The following TMX4 variants were observed in gnomAD, a reference collection of about 807,000 sequenced individuals.
The protein encoded by TMX4 is thioredoxin related transmembrane protein 4.
In TMX4, 23 loss-of-function variants were observed where a neutral mutation model predicts 33.3. That is an observed-to-expected ratio of 0.69 (90% CI 0.50 to 0.98). The LOEUF is 0.98. Among genes scored for constraint, TMX4 ranks in the 50% least tolerant of loss-of-function variants. The pLI is 0.00. For missense variants in TMX4, 399 were observed against 448.9 expected (o/e 0.89, Z 1.01); for synonymous variants, 164 against 161.5 (o/e 1.02, Z -0.12).
In TMX4 at chr20:7,999,941, G is replaced by T. The variant is rs141332632; in HGVS notation, c.339-81C>A. 1,897 of 1,450,054 alleles carry T rather than the reference G, an allele frequency of 1.3e-3. 20 individuals are homozygous for T. The African/African-American group carries it at 0.024, about 18-fold the overall frequency. 89.8% of individuals were successfully genotyped at this position (1,450,054 alleles called of 1,614,324 possible). ...ATAATAAAAATTAAAATAGCTACTG[G>T]TGATACATCTGAACGCCATCTGAAC... On this transcript the variant is annotated intron_variant, in intron 3 of 7. Transcript: ENST00000246024.
In TMX4 at chr20:8,019,596, G is replaced by C; in HGVS notation, c.18C>G (p.Cys6Trp). MAGGR[C>W]GPQLTALLAA... Reference sequence around the variant, plus strand: ...CCAGGAGCGCCGTTAGCTGCGGGCCGCAGCGCCCACCCGCCATGTTGGGCG... The same window carrying C: ...CCAGGAGCGCCGTTAGCTGCGGGCCCCAGCGCCCACCCGCCATGTTGGGCG... The change falls in exon 1 of 8, where the codon TGC (cysteine) becomes TGG (tryptophan). Residue 6 changes from cysteine to tryptophan, a missense_variant. Cys to Trp is a radical substitution (Grantham distance 215). Coordinates refer to ENST00000246024, the MANE Select transcript of TMX4 (RefSeq NM_021156.4). The C allele has an allele frequency of 7.4e-7, 1 of 1,354,752 alleles. No homozygotes were observed. The allele number at this position is 1,354,752 out of a possible 1,614,324, so 83.9% of individuals were successfully genotyped here. A position where few individuals can be genotyped will look rare whatever the true frequency, so the allele number is the denominator to read the frequency against.
chr20:7,984,000 T>C, intron 6 of TMX4, 143 bp from the exon 7 acceptor site: 5 of 601,110 alleles, frequency 8.3e-6, no homozygotes, highest in South Asian at 6.5e-5. Context: ...GAGACAAGGA[T>C]ATAATTAAGA....
chr20:8,016,626 C>T (rs1369067745), intron 1 of TMX4, among the ~76,000 whole-genome samples: 1 of 152,118 alleles, frequency 6.6e-6, no homozygotes, highest in East Asian at 1.9e-4. Flanking sequence ...CTGCCAAATA[C>T]TGCTAGATTC....
intron 5 of TMX4, among the ~76,000 whole-genome samples, chr20:7,990,626 T>C (rs1038894804): frequency 1.3e-5 from 2 of 152,124 alleles, no homozygotes; most frequent in African/African-American, 4.8e-5. Context: ...TCACACCCAC[T>C]CATCCAGCCC....
rs1157901995 is a variant in TMX4 at position 7,981,249 on chromosome 20, G to A, written c.*1002C>T. ...AAGGAAAATCAGAAGTGGTTTTTTA[G>A]TTATTATTAAAGTAGTTCAAGACCC... On this transcript the variant is annotated 3_prime_UTR_variant, in exon 8 of 8. Transcript: ENST00000246024. 2 of 152,086 alleles carry A rather than the reference G, an allele frequency of 1.3e-5. No homozygotes were observed. Among genetic ancestry groups the A allele is most frequent in the African/African-American group, 4.8e-5 (2 of 41,422 alleles). The allele number at this position is 152,086 out of a possible 1,614,324, so 9.4% of individuals were successfully genotyped here. A position where few individuals can be genotyped will look rare whatever the true frequency, so the allele number is the denominator to read the frequency against.
chr20:8,012,006 T>C (rs2050755002), intron 1 of TMX4, among the ~76,000 whole-genome samples: 1 of 152,154 alleles, frequency 6.6e-6, no homozygotes, highest in Non-Finnish European at 1.5e-5. Flanking sequence ...TCAACTTTAA[T>C]GAAAATCATA....
chr20:8,001,671 T>G, intron 2 of TMX4, 130 bp from the exon 3 acceptor site: 3 of 888,006 alleles, frequency 3.4e-6, no homozygotes, highest in African/African-American at 3.4e-5. Context: ...TTTTTTTGAC[T>G]TACAGAAATT....
rs147662236 is a variant in TMX4, at chr20:7,996,237, T to C, written c.468-166A>G. Reference sequence around the variant, plus strand: ...AGAGCTTAGATTCAGTGGCTATCATTTGAATCACTCTGCTGTAAATCTATT... The same window carrying C: ...AGAGCTTAGATTCAGTGGCTATCATCTGAATCACTCTGCTGTAAATCTATT... On this transcript the variant is annotated intron_variant, in intron 4 of 7. Transcript: ENST00000246024. 3.9e-3 allele frequency among the ~76,000 whole-genome samples: 592 copies of C among 152,302 alleles called. 4 individuals carry two copies. Among genetic ancestry groups the C allele is most frequent in the African/African-American group, 0.013 (539 of 41,574 alleles).
chr20:7,993,369 A>T (rs2050663081), intron 5 of TMX4, among the ~76,000 whole-genome samples: 1 of 152,218 alleles, frequency 6.6e-6, no homozygotes. Flanking sequence ...TTAAAAAACA[A>T]ATACGTTTGC....
At chr20:8,011,081 T>C (rs1249076518) in intron 1 of TMX4, among the ~76,000 whole-genome samples, 1 of 152,086 alleles carries the variant, frequency 6.6e-6, no homozygotes, top group African/African-American at 2.4e-5. Context: ...TTTGCGTCTG[T>C]TTAAAATTTT....
At chr20:8,005,313 C>T (rs920775509) in intron 2 of TMX4, among the ~76,000 whole-genome samples, 13 of 152,194 alleles carry the variant, frequency 8.5e-5, no homozygotes. Flanking sequence ...GTCAACTCAA[C>T]TGACACATCA....
chr20:8,009,194 T>A (rs776756575), intron 2 of TMX4, among the ~76,000 whole-genome samples: 31 of 152,164 alleles, frequency 2.0e-4, no homozygotes, highest in Non-Finnish European at 4.1e-4. Flanking sequence ...CTTCTCAGTT[T>A]ATATATAATA....
In TMX4 at chr20:8,015,020, T is replaced by C. The variant is rs150299398; in HGVS notation, c.176+4418A>G. 4.0e-3 allele frequency among the ~76,000 whole-genome samples: 607 copies of C among 151,996 alleles called. 6 individuals carry two copies. The highest frequency in any genetic ancestry group is 0.013 in the African/African-American group (534 of 41,494). On this transcript the variant is annotated intron_variant, in intron 1 of 7. Transcript: ENST00000246024. ...AGCTTCTTTTTTTCTTTTTTTTTTT[T>C]TTATCTCCACTAGTCAGTAAGAATG...
Position 8,019,541 on chromosome 20 carries a change from C to T in TMX4, c.73G>A (p.Ala25Thr), listed in dbSNP as rs966107188. The T allele has an allele frequency of 1.5e-5, 22 of 1,474,072 alleles. No individual in the cohort carries two copies. Among genetic ancestry groups the T allele is most frequent in the Non-Finnish European group, 2.0e-5 (22 of 1,112,562 alleles). The allele number at this position is 1,474,072 out of a possible 1,614,324, so 91.3% of individuals were successfully genotyped here. The change falls in exon 1 of 8, where the codon GCA (alanine) becomes ACA (threonine). Residue 25 changes from alanine to threonine, a missense_variant. Ala to Thr is a moderately conservative substitution (Grantham distance 58). Coordinates refer to ENST00000246024, the MANE Select transcript of TMX4 (RefSeq NM_021156.4). ...GGCAGCGCGGCCTCCTCGGGGCCTG[C>T]CGTCGCCGCCACAGCCGCGATCCAG... is the stretch of plus-strand genomic sequence containing the variant. ...AAWIAAVAATAGPEEAALPPE... is the reference protein window; with the variant it reads ...AAWIAAVAATTGPEEAALPPE...
In TMX4 at chr20:8,018,699, C is replaced by A. The variant is rs549759577; in HGVS notation, c.176+739G>T. On this transcript the variant is annotated intron_variant, in intron 1 of 7. Transcript: ENST00000246024. ...GTTTCCCATCTCCTTAAAGAAAAGG[C>A]ACTATCCACCATTTGCTTTCTATTG... 2.4e-4 allele frequency: 42 copies of A among 175,858 alleles called. No individual in the cohort carries two copies. In the South Asian group the frequency reaches 3.9e-3, roughly 16 times the overall value. The allele number at this position is 175,858 out of a possible 1,614,324, so 10.9% of individuals were successfully genotyped here. A position where few individuals can be genotyped will look rare whatever the true frequency, so the allele number is the denominator to read the frequency against.
chr20:8,013,751 G>A (rs1237728265), intron 1 of TMX4: 2 of 152,264 alleles, frequency 1.3e-5, no homozygotes, highest in East Asian at 1.9e-4. Flanking sequence ...TTTTATTAAC[G>A]ATAAATTTTT....
chr20:7,993,268 C>A (rs777916681), intron 5 of TMX4, among the ~76,000 whole-genome samples: 2 of 152,204 alleles, frequency 1.3e-5, no homozygotes, highest in Non-Finnish European at 2.9e-5. Context: ...ACCTTCCATC[C>A]CTAGTCTATT....
At chr20:8,010,146 T>A in intron 2 of TMX4, 54 bp downstream of exon 2, 1 of 1,497,856 alleles carries the variant, frequency 6.7e-7, no homozygotes. Context: ...TTGAAAAAAA[T>A]TCAAAATAAA....
intron 1 of TMX4, among the ~76,000 whole-genome samples, chr20:8,012,325 C>A (rs2050756271): frequency 6.6e-6 from 1 of 152,076 alleles, no homozygotes; most frequent in Non-Finnish European, 1.5e-5. Context: ...ACGAAGCAGG[C>A]ACATATTTAT....
Sources: gnomAD v4.1 joint callset for allele counts (sites outside exome capture counted in the v4.1 genomes callset) on GRCh38, gnomAD v4.1.1 for gene constraint, MANE v1.5 for transcripts, NCBI Gene and HGNC (gene_info 2026-07-23, HGNC 2026-07-21) for gene names.